CHD5: variants seen among roughly 807,000 people sequenced by gnomAD.
CHD5 encodes ATP-dependent chromatin remodeler CHD5.
A neutral mutation model predicts 230.3 loss-of-function variants in CHD5; 69 were observed. The observed-to-expected ratio is 0.30, with a 90% confidence interval of 0.25 to 0.37. The LOEUF (loss-of-function observed/expected upper bound fraction) is 0.37, where lower values mean the gene tolerates loss of function less well. Among genes scored for constraint, CHD5 ranks in the 10% least tolerant of loss-of-function variants. CHD5 has a pLI of 1.00. For synonymous variants in CHD5, 1,064 were observed against 1,065.9 expected (o/e 1.00, Z 0.03); for missense variants, 1,827 against 2,622.8 (o/e 0.70, Z 6.63).
chr1:6,179,854 C>A (rs1285010287), intron 1 of CHD5, 91 bp downstream of exon 1: 3 of 516,798 alleles, frequency 5.8e-6, no homozygotes, highest in Non-Finnish European at 6.9e-6. Context: ...AGCCCGGCCG[C>A]GCCGCCCCCG....
At chr1:6,132,880 T>TTCTCTCTCTCTC (rs111561200) in intron 20 of CHD5, among the ~76,000 whole-genome samples, 1,954 of 144,484 alleles carry the variant, frequency 0.014, 38 homozygotes, top group East Asian at 0.091. Context: ...TCCTATTCTT[T>TTCTCTCTCTCTC]TCTCTCTCTC....
chr1:6,163,159 G>A (rs1667203785), intron 2 of CHD5, among the ~76,000 whole-genome samples: 1 of 152,202 alleles, frequency 6.6e-6, no homozygotes, highest in South Asian at 2.1e-4. Flanking sequence ...AATGGGCTCA[G>A]ACAACGTCAG....
At position 6,142,543 on chromosome 1, in the gene CHD5, C is replaced by G. The variant is rs770302662; in HGVS notation, c.2106G>C (p.Pro702=). 3.7e-6 allele frequency: 6 copies of G among 1,613,974 alleles called. No individual in the cohort carries two copies. Among genetic ancestry groups the G allele is most frequent in the Admixed American group, 1.7e-5 (1 of 60,008 alleles). The change falls in exon 14 of 42, where the codon CCG becomes CCC. Residue 702 remains proline, a synonymous_variant. Coordinates refer to ENST00000262450, the MANE Select transcript of CHD5 (RefSeq NM_015557.3). The surrounding 1 kb of genome is among the most constrained non-coding windows in gnomAD (Gnocchi z 5.2). ...GCCAGTTGAGGCCCTCCAGCTGGTA[C>G]GGGTGCAGTGTGCCGCCTGTGGAGT... The part of the protein sequence containing the change: ...YIDSTGGTLH[P]YQLEGLNWLR...
In CHD5 at chr1:6,154,370, G is replaced by A. The variant is rs753577119; in HGVS notation, c.745+290C>T. 2.6e-5 allele frequency among the ~76,000 whole-genome samples: 4 copies of A among 152,084 alleles called. No homozygotes were observed. Among genetic ancestry groups the A allele is most frequent in the Admixed American group, 6.6e-5 (1 of 15,262 alleles). ...GGTCCCGCCCTCCCTCCAGGCCCAC[G>A]TCGGGGGCACCTCCTGGCTGGCCAG... On this transcript the variant is annotated intron_variant, in intron 5 of 41. Coordinates refer to ENST00000262450, the MANE Select transcript of CHD5 (RefSeq NM_015557.3). The surrounding 1 kb of genome is among the most constrained non-coding windows in gnomAD (Gnocchi z 7.0).
intron 33 of CHD5, among the ~76,000 whole-genome samples, chr1:6,120,057 C>T (rs958369264): frequency 4.0e-5 from 6 of 151,880 alleles, no homozygotes; most frequent in East Asian, 1.9e-4. Flanking sequence ...GACTGGGTTT[C>T]GCCATGTTGG....
Position 6,112,283 on chromosome 1 carries a change from G to A in CHD5, c.5003-6C>T, listed in dbSNP as rs572256040. The A allele has an allele frequency of 2.2e-5, 36 of 1,613,474 alleles. No homozygotes were observed. Among genetic ancestry groups the A allele is most frequent in the Admixed American group, 1.8e-4 (11 of 59,962 alleles). The stretch of plus-strand genomic sequence containing the variant: ...CTCCTCAGCCTTGGTGTCATCTGCC[G>A]GGGACAGATCACATTCATTCATCCA... On this transcript the variant is annotated splice_polypyrimidine_tract_variant and splice_region_variant and intron_variant, in intron 34 of 41. Transcript: ENST00000262450.
At position 6,102,049 on chromosome 1, in the gene CHD5, G is replaced by A. The variant is rs1666068147; in HGVS notation, c.*3425C>T. On this transcript the variant is annotated 3_prime_UTR_variant, in exon 42 of 42. Coordinates refer to ENST00000262450, the MANE Select transcript of CHD5 (RefSeq NM_015557.3). ...AGCCTGGGGCTGTGCCTGGGGAAAGGGGTCGGCCCCCTCTTAGCTGGGCCT... is the reference window on the plus strand; with the variant it reads ...AGCCTGGGGCTGTGCCTGGGGAAAGAGGTCGGCCCCCTCTTAGCTGGGCCT... The A allele has an allele frequency of 5.1e-6, 2 of 395,798 alleles. No individual in the cohort carries two copies. Among genetic ancestry groups the A allele is most frequent in the Non-Finnish European group, 1.0e-5 (2 of 198,114 alleles). The allele number at this position is 395,798 out of a possible 1,614,324, so 24.5% of individuals were successfully genotyped here.
Position 6,121,641 on chromosome 1 carries a change from GT to G in CHD5, c.4700-69del. On this transcript the variant is annotated intron_variant, in intron 31 of 41. Transcript: ENST00000262450. The surrounding 1 kb of genome is among the most constrained non-coding windows in gnomAD (Gnocchi z 4.5). Reference sequence around the variant, plus strand: ...GGGAAGGAGTAGGGCAGGGAGTGGGGTGGCAGAGAGGAGAGATGGGGGCTTG... The same window carrying G: ...GGGAAGGAGTAGGGCAGGGAGTGGGGGGCAGAGAGGAGAGATGGGGGCTTG... 1 of 1,179,800 alleles carries G rather than the reference GT, an allele frequency of 8.5e-7. No homozygotes were observed. The highest frequency in any genetic ancestry group is 1.2e-6 in the Non-Finnish European group (1 of 812,662). The allele number at this position is 1,179,800 out of a possible 1,614,324, so 73.1% of individuals were successfully genotyped here.
In CHD5 at chr1:6,136,621, G is replaced by A. The variant is rs754676806; in HGVS notation, c.2592C>T (p.Asn864=). 3 of 1,614,176 alleles carry A rather than the reference G, an allele frequency of 1.9e-6. No homozygotes were observed. In the South Asian group the frequency reaches 3.3e-5, roughly 18 times the overall value. The change falls in exon 17 of 42, where the codon AAC becomes AAT. Residue 864 remains asparagine (N), a synonymous_variant. Transcript: ENST00000262450. The stretch of plus-strand genomic sequence containing the variant: ...GCAGCTTGTAATCAATCTTGTAGCT[G>A]TTTAAGACCCTAAAAAACTGAGGGG... The part of the protein sequence containing the change: ...NNQSKFFRVL[N]SYKIDYKLLL...
intron 33 of CHD5, among the ~76,000 whole-genome samples, chr1:6,120,169 T>C (rs2100838732): frequency 6.6e-6 from 1 of 152,180 alleles, no homozygotes; most frequent in South Asian, 2.1e-4. Context: ...CCCTAATGCA[T>C]ATAGTTAGAA....
rs1249056834 is a variant in CHD5 at position 6,125,881 on chromosome 1, G to A, written c.4079-23C>T. Reference sequence around the variant, plus strand: ...ACTCTGCAGGGGGCCAGACAGAGGGGCACGGAGTGAGCTGTACAAGCAAAG... The same window carrying A: ...ACTCTGCAGGGGGCCAGACAGAGGGACACGGAGTGAGCTGTACAAGCAAAG... On this transcript the variant is annotated intron_variant, in intron 26 of 41. Transcript: ENST00000262450. This position sits in a 1 kb window ranked among gnomAD's most constrained non-coding sequence, Gnocchi z 6.7. 10 of 1,577,970 alleles carry A rather than the reference G, an allele frequency of 6.3e-6. No homozygotes were observed. The highest frequency in any genetic ancestry group is 6.9e-6 in the Non-Finnish European group (8 of 1,151,340).
In CHD5 at chr1:6,142,611, G is replaced by A. The variant is rs1666845163; in HGVS notation, c.2044-6C>T. ...TTGTCGAACTTGACCGTGGGCTGCA[G>A]GGGAGGCAGCGGTTCAGACACGCCC... On this transcript the variant is annotated splice_region_variant and splice_polypyrimidine_tract_variant and intron_variant, in intron 13 of 41. Coordinates refer to ENST00000262450, the MANE Select transcript of CHD5 (RefSeq NM_015557.3). The surrounding 1 kb of genome is among the most constrained non-coding windows in gnomAD (Gnocchi z 5.2). 2 of 1,608,090 alleles carry A rather than the reference G, an allele frequency of 1.2e-6. No individual in the cohort carries two copies. The highest frequency in any genetic ancestry group is 1.3e-5 in the African/African-American group (1 of 74,988).
rs1666917887 is a variant in CHD5 at position 6,146,743 on chromosome 1, C to T, written c.1512G>A (p.Glu504=). 6.2e-7 allele frequency: 1 copy of T among 1,612,492 alleles called. No individual in the cohort carries two copies. Among genetic ancestry groups the T allele is most frequent in the Non-Finnish European group, 8.5e-7 (1 of 1,179,260 alleles). The change falls in exon 10 of 42, where the codon GAG becomes GAA. Residue 504 remains glutamate (E), a synonymous_variant. Coordinates refer to ENST00000262450, the MANE Select transcript of CHD5 (RefSeq NM_015557.3). The surrounding 1 kb of genome is among the most constrained non-coding windows in gnomAD (Gnocchi z 5.1). ...EPSLPPPKPL[E]GIPEREFFVK... ...CAAAGAACTCTCTCTCAGGGATGCC[C>T]TCCAGGGGCTTAGGTGGAGGGAGGC... is the stretch of plus-strand genomic sequence containing the variant.
At chr1:6,161,105 G>T (rs1451737006) in intron 2 of CHD5, among the ~76,000 whole-genome samples, 2 of 152,146 alleles carry the variant, frequency 1.3e-5, no homozygotes, top group Admixed American at 6.5e-5. Flanking sequence ...TGGCCAGGAG[G>T]GAGGATGAAG....
chr1:6,142,981 A>T lies in CHD5; in HGVS notation c.2044-376T>A, dbSNP rs1666850663. ...TGGTCACTTACTCACCATTTTTTGGATGAACAACAAAACGAACATCCATCT... is the reference window on the plus strand; with the variant it reads ...TGGTCACTTACTCACCATTTTTTGGTTGAACAACAAAACGAACATCCATCT... On this transcript the variant is annotated intron_variant, in intron 13 of 41. Coordinates refer to ENST00000262450, the MANE Select transcript of CHD5 (RefSeq NM_015557.3). The surrounding 1 kb of genome is among the most constrained non-coding windows in gnomAD (Gnocchi z 5.2). 6.6e-6 allele frequency among the ~76,000 whole-genome samples: 1 copy of T among 152,074 alleles called. No individual in the cohort carries two copies. The highest frequency in any genetic ancestry group is 1.5e-5 in the Non-Finnish European group (1 of 68,024).
At position 6,112,034 on chromosome 1, in the gene CHD5, T is replaced by A. The variant is rs985814140; in HGVS notation, c.5140+106A>T. On this transcript the variant is annotated intron_variant, in intron 35 of 41. Coordinates refer to ENST00000262450, the MANE Select transcript of CHD5 (RefSeq NM_015557.3). ...GGCTAAGAAAGGTTATACGATGGAC[T>A]TCCATCAACCAGTCACACTCTAGTA... 20 of 1,440,276 alleles carry A rather than the reference T, an allele frequency of 1.4e-5. No homozygotes were observed. The South Asian group carries it at 2.5e-4, about 18-fold the overall frequency. 89.2% of individuals were successfully genotyped at this position (1,440,276 alleles called of 1,614,324 possible).
At chr1:6,120,408 C>G (rs1666449782) in intron 33 of CHD5, among the ~76,000 whole-genome samples, 1 of 151,808 alleles carries the variant, frequency 6.6e-6, no homozygotes, top group African/African-American at 2.4e-5. Context: ...GTGGCTCATG[C>G]CTGCAATCCC....
chr1:6,113,917 C>T (rs1322646497), intron 33 of CHD5, among the ~76,000 whole-genome samples: 5 of 152,162 alleles, frequency 3.3e-5, no homozygotes, highest in Admixed American at 2.0e-4. Context: ...GGGAGGGATG[C>T]TCCCACTCCC....
chr1:6,150,333 GATGA>G (rs1666983107), intron 7 of CHD5, among the ~76,000 whole-genome samples: 2 of 149,726 alleles, frequency 1.3e-5, no homozygotes, highest in Admixed American at 6.6e-5. Context: ...GGATGGGATG[GATGA>G]ATGGATGGAC....
Sources: gnomAD v4.1 joint callset for allele counts (sites outside exome capture counted in the v4.1 genomes callset) on GRCh38, gnomAD v4.1.1 for gene constraint, Gnocchi (gnomAD v3.1) non-coding constraint, MANE v1.5 for transcripts, NCBI Gene and HGNC (gene_info 2026-07-23, HGNC 2026-07-21) for gene names.